The following TSHB variants were observed in gnomAD, a reference collection of about 807,000 sequenced individuals.
TSHB encodes thyrotropin subunit beta.
A neutral mutation model predicts 9.3 loss-of-function variants in TSHB; 9 were observed. That is an observed-to-expected ratio of 0.97 (90% CI 0.58 to 1.69). The LOEUF (loss-of-function observed/expected upper bound fraction) is 1.69, where lower values mean the gene tolerates loss of function less well. TSHB is among the 40% of genes most tolerant of loss of function. TSHB has a pLI of 0.00. For missense variants in TSHB, 182 were observed against 168.5 expected (o/e 1.08, Z -0.44); for synonymous variants, 57 against 57.2 (o/e 1.00, Z 0.01).
chr1:115,034,209 GGTAGGATTTTCT>G lies in TSHB; in HGVS notation c.402_413del (p.Gly135_Val138del). On this transcript the variant is annotated inframe_deletion, in exon 3 of 3. Coordinates refer to ENST00000256592, the MANE Select transcript of TSHB (RefSeq NM_000549.5). ...GTACCAAACCTCAGAAGTCTTATCTGGTAGGATTTTCTGTCTAATAGTGATATAATTTGCAAT... is the reference window on the plus strand; with the variant it reads ...GTACCAAACCTCAGAAGTCTTATCTGGTCTAATAGTGATATAATTTGCAAT... The G allele has an allele frequency of 6.2e-7, 1 of 1,613,700 alleles. No homozygotes were observed. Among genetic ancestry groups the G allele is most frequent in the Non-Finnish European group, 8.5e-7 (1 of 1,179,728 alleles).
chr1:115,029,857 T>C lies in TSHB; in HGVS notation c.-5T>C, dbSNP rs536404403. On this transcript the variant is annotated 5_prime_UTR_variant, in exon 1 of 3. Coordinates refer to ENST00000256592, the MANE Select transcript of TSHB (RefSeq NM_000549.5). ...ACAGCATCTGCTCACCAATGCAAAG[T>C]AAGGTAGGTGTCTATAGTGAGAAGG... The C allele has an allele frequency of 6.6e-5, 10 of 152,606 alleles. No homozygotes were observed. The highest frequency in any genetic ancestry group is 2.2e-4 in the African/African-American group (9 of 41,568). The allele number at this position is 152,606 out of a possible 1,614,324, so 9.5% of individuals were successfully genotyped here.
At chr1:115,032,258 C>A (rs541949763) in intron 1 of TSHB, among the ~76,000 whole-genome samples, 2 of 151,726 alleles carry the variant, frequency 1.3e-5, no homozygotes, top group Non-Finnish European at 2.9e-5. Context: ...TCCCTGGTAA[C>A]CTGTGTAATG....
chr1:115,034,089 C>T lies in TSHB; in HGVS notation c.279C>T (p.Pro93=), dbSNP rs1010297279. 6.2e-7 allele frequency: 1 copy of T among 1,613,788 alleles called. No individual in the cohort carries two copies. Among genetic ancestry groups the T allele is most frequent in the Admixed American group, 1.7e-5 (1 of 59,988 alleles). The change falls in exon 3 of 3, where the codon CCC becomes CCT. Residue 93 remains proline, a synonymous_variant. Coordinates refer to ENST00000256592, the MANE Select transcript of TSHB (RefSeq NM_000549.5). ...CAGGATGCCCACTCCATGTTGCTCC[C>T]TATTTTTCCTATCCTGTTGCTTTAA... ...EIPGCPLHVA[P]YFSYPVALSC... is the part of the protein sequence containing the mutation.
chr1:115,031,682 C>A (rs1223208565), intron 1 of TSHB, among the ~76,000 whole-genome samples: 1 of 151,910 alleles, frequency 6.6e-6, no homozygotes, highest in Non-Finnish European at 1.5e-5. Flanking sequence ...TTTTAAGATC[C>A]TACAGAGGAT....
rs1469905326 is a variant in TSHB, at chr1:115,034,009, C to A, written c.199C>A (p.Leu67Met). 6.2e-7 allele frequency: 1 copy of A among 1,613,778 alleles called. No individual in the cohort carries two copies. Among genetic ancestry groups the A allele is most frequent in the Admixed American group, 1.7e-5 (1 of 60,000 alleles). ...CAAACTGTTTCTTCCCAAATATGCT[C>A]TGTCCCAGGATGTTTGCACATATAG... The part of the protein sequence containing the change: ...NGKLFLPKYA[L>M]SQDVCTYRDF... The change falls in exon 3 of 3, where the codon CTG becomes ATG. Residue 67 changes from leucine (L) to methionine (M), a missense_variant. Leu to Met is a conservative substitution (Grantham distance 15). Transcript: ENST00000256592.
intron 1 of TSHB, among the ~76,000 whole-genome samples, chr1:115,030,708 A>G (rs11102873): frequency 0.36 from 54,846 of 151,854 alleles, 10,226 homozygotes; most frequent in South Asian, 0.51. Flanking sequence ...CCAACAAATT[A>G]TTCATGGTGA....
intron 1 of TSHB, 79 bp from the exon 2 acceptor site, chr1:115,033,283 G>A (rs1049422560): frequency 6.6e-6 from 9 of 1,371,150 alleles, no homozygotes; most frequent in African/African-American, 2.9e-5. Flanking sequence ...TGGTACTGAA[G>A]TTTGGTTATA....
chr1:115,031,109 AG>A (rs1438375202), intron 1 of TSHB, among the ~76,000 whole-genome samples: 1 of 152,002 alleles, frequency 6.6e-6, no homozygotes, highest in Non-Finnish European at 1.5e-5. Flanking sequence ...CTGCTTTTAT[AG>A]GTGAGAAAGT....
At chr1:115,030,830 T>G (rs905552807) in intron 1 of TSHB, among the ~76,000 whole-genome samples, 7 of 152,024 alleles carry the variant, frequency 4.6e-5, no homozygotes, top group African/African-American at 1.7e-4. Context: ...TACAGTGTTA[T>G]ACAGCTATGT....
At chr1:115,029,937 A>AT (rs1674858477) in intron 1 of TSHB, 77 bp downstream of exon 1, 2 of 152,436 alleles carry the variant, frequency 1.3e-5, no homozygotes, top group Admixed American at 1.3e-4. Context: ...CCATTTTATC[A>AT]TTTTTTAGAA....
chr1:115,033,465 G>A lies in TSHB; in HGVS notation c.103G>A (p.Glu35Lys). 6.2e-7 allele frequency: 1 copy of A among 1,613,238 alleles called. No homozygotes were observed. The highest frequency in any genetic ancestry group is 8.5e-7 in the Non-Finnish European group (1 of 1,179,226). ...GTATACAATGCACATCGAAAGGAGA[G>A]AGTGTGCTTATTGCCTAACCATCAA... The part of the protein sequence containing the change: ...TEYTMHIERR[E>K]CAYCLTINTT... Residue 35 changes from glutamate to lysine, a missense_variant, in exon 2 of 3, where the codon GAG becomes AAG. By Grantham distance (56) the Glu-to-Lys change is moderately conservative (BLOSUM62 1). Transcript: ENST00000256592.
intron 1 of TSHB, among the ~76,000 whole-genome samples, chr1:115,032,781 A>G (rs919219500): frequency 6.6e-6 from 1 of 152,016 alleles, no homozygotes; most frequent in African/African-American, 2.4e-5. Context: ...ATATGATATC[A>G]TATCCAATAT....
At chr1:115,033,229 T>G (rs1179280823) in intron 1 of TSHB, 133 bp from the exon 2 acceptor site, 7 of 854,470 alleles carry the variant, frequency 8.2e-6, no homozygotes, top group Non-Finnish European at 1.1e-5. Flanking sequence ...GGTGTCTTCC[T>G]TGACCAAATG....
intron 1 of TSHB, among the ~76,000 whole-genome samples, chr1:115,030,646 G>A (rs564577123): frequency 1.3e-5 from 2 of 152,106 alleles, no homozygotes; most frequent in South Asian, 2.1e-4. Context: ...TCTGAAGAAG[G>A]CATCTCATTA....
In TSHB at chr1:115,029,930, T is replaced by C. The variant is rs1570951604; in HGVS notation, c.-2+70T>C. 5 of 152,610 alleles carry C rather than the reference T, an allele frequency of 3.3e-5. No homozygotes were observed. The Admixed American group carries it at 3.3e-4, about 10-fold the overall frequency. The allele number at this position is 152,610 out of a possible 1,614,324, so 9.5% of individuals were successfully genotyped here. ...AAGCTATTTTTTTTCACTTTCACCA[T>C]TTTATCATTTTTTAGAAAGTGGCAA... is the stretch of plus-strand genomic sequence containing the variant. On this transcript the variant is annotated intron_variant, in intron 1 of 2. Coordinates refer to ENST00000256592, the MANE Select transcript of TSHB (RefSeq NM_000549.5).
chr1:115,032,728 AATATCAATATC>A (rs1279291392), intron 1 of TSHB, among the ~76,000 whole-genome samples: 1 of 150,874 alleles, frequency 6.6e-6, no homozygotes, highest in African/African-American at 2.5e-5. Context: ...TAATGATATC[AATATCAATATC>A]ATATCAATAT....
In TSHB at chr1:115,034,274, A is replaced by G. The variant is rs1158379786; in HGVS notation, c.*47A>G. 1.3e-6 allele frequency: 2 copies of G among 1,578,176 alleles called. No homozygotes were observed. ...GGTTAAATGTGCTTGCCTGAAATAA[A>G]GCTAATAAAAATATTATGTTTCACA... is the stretch of plus-strand genomic sequence containing the variant. On this transcript the variant is annotated 3_prime_UTR_variant, in exon 3 of 3. Transcript: ENST00000256592.
chr1:115,033,805 T>C (rs561391638), intron 2 of TSHB, 168 bp from the exon 3 acceptor site: 12 of 431,510 alleles, frequency 2.8e-5, no homozygotes, highest in African/African-American at 2.6e-4. Context: ...CTTTTGTCTC[T>C]GTAGAATTCA....
At chr1:115,031,860 AC>A (rs1039453435) in intron 1 of TSHB, among the ~76,000 whole-genome samples, 1 of 152,084 alleles carries the variant, frequency 6.6e-6, no homozygotes, top group Non-Finnish European at 1.5e-5. Context: ...TGAATATGCA[AC>A]ATTTCATTTA....
Sources: allele counts gnomAD v4.1 joint callset (sites outside exome capture counted in the v4.1 genomes callset), GRCh38; gene constraint gnomAD v4.1.1; transcripts MANE v1.5; gene names NCBI Gene and HGNC (gene_info 2026-07-23, HGNC 2026-07-21).